Variants in MORC3 observed in about 807,000 individuals in gnomAD.
MORC3 encodes the protein MORC family CW-type zinc finger protein 3.
In MORC3, 31 loss-of-function variants were observed where a neutral mutation model predicts 109.1. That is an observed-to-expected ratio of 0.28 (90% confidence interval 0.21 to 0.38). The LOEUF (loss-of-function observed/expected upper bound fraction) is 0.38. MORC3 is among the 10% of genes least tolerant of loss of function. The pLI is 1.00. For missense variants in MORC3, 867 were observed against 1,135.8 expected (o/e 0.76, Z 3.40); for synonymous variants, 395 against 380.7 (o/e 1.04, Z -0.44).
At chr21:36,354,065 T>G (rs2085611544) in intron 9 of MORC3, among the ~76,000 whole-genome samples, 1 of 144,898 alleles carries the variant, frequency 6.9e-6, no homozygotes, top group South Asian at 2.1e-4. Flanking sequence ...AGTGAGACCC[T>G]GTCTCAAAAA....
chr21:36,323,872 C>T (rs2085219068), intron 1 of MORC3, among the ~76,000 whole-genome samples: 2 of 151,620 alleles, frequency 1.3e-5, no homozygotes, highest in Admixed American at 1.3e-4. Context: ...CTTGCTCTTA[C>T]CATAGTGTTT....
Position 36,376,600 on chromosome 21 carries a change from T to A in MORC3, c.*1304T>A, listed in dbSNP as rs1320814685. 1.3e-5 allele frequency: 2 copies of A among 152,186 alleles called. No individual in the cohort carries two copies. The highest frequency in any genetic ancestry group is 1.3e-4 in the Admixed American group (2 of 15,266). The allele number at this position is 152,186 out of a possible 1,614,324, so 9.4% of individuals were successfully genotyped here. The stretch of plus-strand genomic sequence containing the variant: ...TTGTAATTTCCCAAATTTTAAAATA[T>A]CTTATAATAAAATAAAAATATATGA... On this transcript the variant is annotated 3_prime_UTR_variant, in exon 17 of 17. Coordinates refer to ENST00000400485, the MANE Select transcript of MORC3 (RefSeq NM_015358.3).
intron 12 of MORC3, chr21:36,361,918 G>A (rs917031805): frequency 1.2e-5 from 6 of 481,032 alleles, no homozygotes; most frequent in Non-Finnish European, 2.2e-5. Flanking sequence ...TCAAAAGCCT[G>A]TGATTCTGGA....
chr21:36,351,509 T>C (rs1190676685), intron 9 of MORC3, among the ~76,000 whole-genome samples: 1 of 152,216 alleles, frequency 6.6e-6, no homozygotes, highest in African/African-American at 2.4e-5. Context: ...AGCTCTCAGA[T>C]ATGGATGAGA....
At chr21:36,339,103 G>A in intron 5 of MORC3, 182 bp downstream of exon 5, 1 of 655,004 alleles carries the variant, frequency 1.5e-6, no homozygotes, top group Non-Finnish European at 2.3e-6. Context: ...TTCAATTTGA[G>A]ATATTTTCAT....
intron 8 of MORC3, among the ~76,000 whole-genome samples, chr21:36,347,226 A>G (rs2085519116): frequency 6.6e-6 from 1 of 152,172 alleles, no homozygotes; most frequent in African/African-American, 2.4e-5. Context: ...CAGTATACCA[A>G]TGCAGATTCA....
chr21:36,320,914 A>G (rs2085186805), intron 1 of MORC3, among the ~76,000 whole-genome samples: 1 of 151,860 alleles, frequency 6.6e-6, no homozygotes, highest in African/African-American at 2.4e-5. Context: ...GTTCTTGGAA[A>G]CCCTGTGAAC....
chr21:36,331,567 A>G (rs1005743313), intron 1 of MORC3, among the ~76,000 whole-genome samples: 1 of 151,904 alleles, frequency 6.6e-6, no homozygotes, highest in African/African-American at 2.4e-5. Flanking sequence ...GCGCCACTGC[A>G]CTCCAGCCTG....
chr21:36,328,498 G>C (rs1299630764), intron 1 of MORC3, among the ~76,000 whole-genome samples: 1 of 151,940 alleles, frequency 6.6e-6, no homozygotes, highest in Non-Finnish European at 1.5e-5. Context: ...GCACCACCAC[G>C]CCTGGATATT....
intron 8 of MORC3, among the ~76,000 whole-genome samples, chr21:36,349,099 A>G (rs907672477): frequency 6.6e-5 from 10 of 152,124 alleles, no homozygotes; most frequent in African/African-American, 2.4e-4. Context: ...TGGTTCTTGC[A>G]GTGAGCCAAG....
intron 16 of MORC3, among the ~76,000 whole-genome samples, chr21:36,373,094 C>G (rs752261990): frequency 2.0e-5 from 3 of 152,150 alleles, no homozygotes; most frequent in Non-Finnish European, 2.9e-5. Flanking sequence ...AATTCTAGCA[C>G]TTTGGGAGGC....
intron 16 of MORC3, among the ~76,000 whole-genome samples, 176 bp from the exon 17 acceptor site, chr21:36,374,967 A>G (rs867987648): frequency 2.6e-5 from 4 of 152,132 alleles, no homozygotes; most frequent in African/African-American, 9.7e-5. Context: ...AGTGCACCTG[A>G]CTCATAAAAG....
Position 36,374,276 on chromosome 21 carries a change from A to G in MORC3, c.2667-867A>G, listed in dbSNP as rs530793629. 2.0e-5 allele frequency among the ~76,000 whole-genome samples: 3 copies of G among 152,116 alleles called. No homozygotes were observed. In the East Asian group the frequency reaches 5.8e-4, roughly 29 times the overall value. ...AGCTACATTTTGTATTTTTAGGGAGAGACGGGGTTTCACCATGTTGATCAG... is the reference window on the plus strand; with the variant it reads ...AGCTACATTTTGTATTTTTAGGGAGGGACGGGGTTTCACCATGTTGATCAG... On this transcript the variant is annotated intron_variant, in intron 16 of 16. Coordinates refer to ENST00000400485, the MANE Select transcript of MORC3 (RefSeq NM_015358.3).
intron 9 of MORC3, among the ~76,000 whole-genome samples, chr21:36,351,017 A>G (rs73381599): frequency 0.047 from 7,022 of 149,058 alleles, 528 homozygotes; most frequent in African/African-American, 0.16. Flanking sequence ...TTACTTTGAA[A>G]TATATATATA....
intron 9 of MORC3, among the ~76,000 whole-genome samples, chr21:36,351,209 A>G (rs2085568495): frequency 2.0e-5 from 3 of 151,978 alleles, no homozygotes; most frequent in African/African-American, 7.2e-5. Context: ...CTGGGACTAC[A>G]GGCATGCACC....
intron 9 of MORC3, among the ~76,000 whole-genome samples, chr21:36,354,201 G>C (rs1403618166): frequency 2.6e-5 from 4 of 152,124 alleles, no homozygotes; most frequent in Non-Finnish European, 4.4e-5. Flanking sequence ...GAAGAAGGGG[G>C]ATTGGTTTTG....
chr21:36,369,977 AC>A, intron 15 of MORC3, 101 bp downstream of exon 15: 1 of 1,403,238 alleles, frequency 7.1e-7, no homozygotes, highest in Non-Finnish European at 9.6e-7. Flanking sequence ...CTGTAATCCC[AC>A]CACTTGGGGA....
rs140508172 is a variant in MORC3, at chr21:36,348,467, G to C, written c.1006-844G>C. On this transcript the variant is annotated intron_variant, in intron 8 of 16. Coordinates refer to ENST00000400485, the MANE Select transcript of MORC3 (RefSeq NM_015358.3). ...TTGTTGCCCAGGCTGGAGTGCAATG[G>C]CACGATCTCAGCTCACTGCAACCTC... Among the ~76,000 whole-genome samples the C allele has an allele frequency of 2.9e-3, 443 of 152,304 alleles. 2 individuals carry two copies. Among genetic ancestry groups the C allele is most frequent in the African/African-American group, 9.8e-3 (406 of 41,578 alleles).
intron 1 of MORC3, among the ~76,000 whole-genome samples, chr21:36,326,219 A>G (rs2085246260): frequency 6.6e-6 from 1 of 151,234 alleles, no homozygotes; most frequent in Non-Finnish European, 1.5e-5. Context: ...AACAAAAAAA[A>G]TAGAATAAAT....
Sources: allele counts gnomAD v4.1 joint callset (sites outside exome capture counted in the v4.1 genomes callset), GRCh38; gene constraint gnomAD v4.1.1; transcripts MANE v1.5; gene names NCBI Gene and HGNC (gene_info 2026-07-23, HGNC 2026-07-21).